TMTC2: variants seen among roughly 807,000 people sequenced by gnomAD.
TMTC2 encodes the protein transmembrane O-mannosyltransferase targeting cadherins 2, also known as protein O-mannosyl-transferase TMTC2.
A neutral mutation model predicts 82.4 loss-of-function variants in TMTC2; 43 were observed. That is an observed-to-expected ratio of 0.52 (90% CI 0.41 to 0.67). TMTC2 has a LOEUF of 0.67. Ranked by LOEUF, TMTC2 falls within the 30% of genes least tolerant of loss-of-function variation. The pLI is 0.00. For synonymous variants in TMTC2, 408 were observed against 381.9 expected (o/e 1.07, Z -0.80); for missense variants, 919 against 1,012.4 (o/e 0.91, Z 1.25).
intron 1 of TMTC2, among the ~76,000 whole-genome samples, chr12:82,824,327 G>A (rs1389313540): frequency 1.3e-5 from 2 of 152,230 alleles, no homozygotes; most frequent in African/African-American, 2.4e-5. Flanking sequence ...TTTGGCTGAT[G>A]TGGTTTGGTG....
rs775405799 is a variant in TMTC2, at chr12:82,896,652, CTTTTA to C, written c.1483+13_1483+17del. ...AAAAGTAAACCCAGCTAAAGGTAATCTTTTATTTTATGCTTTTGTCTGGATAGTTT... is the reference window on the plus strand; with the variant it reads ...AAAAGTAAACCCAGCTAAAGGTAATCTTTTATGCTTTTGTCTGGATAGTTT... On this transcript the variant is annotated splice_region_variant and intron_variant, in intron 3 of 11. Coordinates refer to ENST00000321196, the MANE Select transcript of TMTC2 (RefSeq NM_152588.3). 6.3e-7 allele frequency: 1 copy of C among 1,583,840 alleles called. No individual in the cohort carries two copies. The highest frequency in any genetic ancestry group is 1.2e-5 in the South Asian group (1 of 86,740).
intron 1 of TMTC2, among the ~76,000 whole-genome samples, chr12:82,844,780 C>G (rs1870543650): frequency 6.9e-6 from 1 of 145,278 alleles, no homozygotes; most frequent in African/African-American, 2.6e-5. Flanking sequence ...CCAGCCTGGG[C>G]GATAGAGTGA....
At chr12:82,982,876 A>G (rs2137331455) in intron 7 of TMTC2, among the ~76,000 whole-genome samples, 1 of 152,152 alleles carries the variant, frequency 6.6e-6, no homozygotes, top group South Asian at 2.1e-4. Flanking sequence ...TTACATATTC[A>G]TGATTTTTGA....
At chr12:82,757,259 A>G (rs1876378317) in intron 1 of TMTC2, among the ~76,000 whole-genome samples, 1 of 152,150 alleles carries the variant, frequency 6.6e-6, no homozygotes, top group African/African-American at 2.4e-5. Context: ...TTCCTCTGTT[A>G]TTTGTTGTGC....
intron 1 of TMTC2, among the ~76,000 whole-genome samples, chr12:82,688,697 C>T (rs1176054167): frequency 2.0e-5 from 3 of 152,140 alleles, no homozygotes; most frequent in African/African-American, 7.2e-5. Flanking sequence ...TGAAATTAAA[C>T]CATCCAAAAA....
Position 82,855,115 on chromosome 12 carries a change from T to C in TMTC2, c.84-1895T>C, listed in dbSNP as rs373525653. Among the ~76,000 whole-genome samples the C allele has an allele frequency of 2.6e-5, 4 of 152,324 alleles. No homozygotes were observed. In the South Asian group the frequency reaches 8.3e-4, roughly 32 times the overall value. On this transcript the variant is annotated intron_variant, in intron 1 of 11. Coordinates refer to ENST00000321196, the MANE Select transcript of TMTC2 (RefSeq NM_152588.3). ...AAATGATTTCAAGGTAAAACTATTA[T>C]CACAGAAACTGAAGCTCAGAAAGGT...
intron 3 of TMTC2, among the ~76,000 whole-genome samples, chr12:82,925,916 C>G (rs1255214999): frequency 6.6e-6 from 1 of 151,694 alleles, no homozygotes; most frequent in Admixed American, 6.6e-5. Context: ...TAGTGAGGAA[C>G]ACATTTCAAA....
intron 2 of TMTC2, among the ~76,000 whole-genome samples, chr12:82,890,066 T>C (rs887798284): frequency 1.3e-5 from 2 of 152,172 alleles, no homozygotes; most frequent in African/African-American, 2.4e-5. Context: ...TCCCCAACAA[T>C]GTATGAGTCT....
At chr12:82,932,718 C>A (rs1876106903) in intron 4 of TMTC2, among the ~76,000 whole-genome samples, 1 of 152,036 alleles carries the variant, frequency 6.6e-6, no homozygotes, top group Non-Finnish European at 1.5e-5. Flanking sequence ...GGTTCCGATC[C>A]TTCATACATT....
intron 1 of TMTC2, among the ~76,000 whole-genome samples, chr12:82,800,610 A>G (rs1592531886): frequency 6.6e-6 from 1 of 152,218 alleles, no homozygotes; most frequent in East Asian, 1.9e-4. Context: ...AGTAAATGCT[A>G]TTTAACATCC....
At chr12:82,796,590 G>A (rs1878727649) in intron 1 of TMTC2, among the ~76,000 whole-genome samples, 1 of 152,096 alleles carries the variant, frequency 6.6e-6, no homozygotes, top group Admixed American at 6.6e-5. Flanking sequence ...CTTTGTTATG[G>A]TGGTAAGCTT....
intron 11 of TMTC2, among the ~76,000 whole-genome samples, chr12:83,104,120 C>T (rs1265662612): frequency 6.6e-6 from 1 of 152,222 alleles, no homozygotes; most frequent in Non-Finnish European, 1.5e-5. Context: ...GTTCCCAAGG[C>T]CTTGTGCAGC....
At chr12:83,010,245 G>C (rs1164001036) in intron 8 of TMTC2, among the ~76,000 whole-genome samples, 1 of 152,054 alleles carries the variant, frequency 6.6e-6, no homozygotes, top group African/African-American at 2.4e-5. Context: ...TTATGATTTT[G>C]TTTGAATAAA....
intron 5 of TMTC2, 67 bp from the exon 6 acceptor site, chr12:82,965,493 A>C: frequency 6.4e-7 from 1 of 1,555,042 alleles, no homozygotes; most frequent in Middle Eastern, 1.7e-4. Flanking sequence ...ATTGAAACAA[A>C]GAAAACTTTA....
At chr12:82,702,561 A>G (rs1270948621) in intron 1 of TMTC2, among the ~76,000 whole-genome samples, 1 of 152,228 alleles carries the variant, frequency 6.6e-6, no homozygotes, top group Admixed American at 6.5e-5. Flanking sequence ...CTATGGAATT[A>G]ATTTACATTG....
intron 4 of TMTC2, among the ~76,000 whole-genome samples, chr12:82,953,122 C>A (rs1877434593): frequency 1.3e-5 from 2 of 152,190 alleles, no homozygotes; most frequent in Admixed American, 1.3e-4. Flanking sequence ...CAACACAGGA[C>A]TTCTGCCTTA....
chr12:82,917,813 A>G (rs1356840434), intron 3 of TMTC2, among the ~76,000 whole-genome samples: 3 of 152,120 alleles, frequency 2.0e-5, no homozygotes, highest in Non-Finnish European at 4.4e-5. Context: ...CGTGTTAGCC[A>G]GGATGGTCTT....
chr12:83,132,085 T>C lies in TMTC2; in HGVS notation c.2332-125T>C, dbSNP rs1384801626. On this transcript the variant is annotated intron_variant, in intron 11 of 11. Transcript: ENST00000321196. ...TTATCTGTTTGTATAAATTGCTAAA[T>C]TGCTTTCACAAAATGCCTCTAGACA... The C allele has an allele frequency of 7.9e-6, 9 of 1,145,290 alleles. No homozygotes were observed. In the East Asian group the frequency reaches 2.2e-4, roughly 27 times the overall value. 70.9% of individuals were successfully genotyped at this position (1,145,290 alleles called of 1,614,324 possible).
intron 8 of TMTC2, among the ~76,000 whole-genome samples, chr12:82,991,238 G>GTT (rs142359129): frequency 1.3e-5 from 2 of 151,336 alleles, no homozygotes; most frequent in Non-Finnish European, 3.0e-5. Context: ...TAAGTGTGGA[G>GTT]TTTTTTTTTC....
Sources: allele counts gnomAD v4.1 joint callset (sites outside exome capture counted in the v4.1 genomes callset), GRCh38; gene constraint gnomAD v4.1.1; transcripts MANE v1.5; gene names NCBI Gene and HGNC (gene_info 2026-07-23, HGNC 2026-07-21).